CWC22: variants seen among roughly 807,000 people sequenced by gnomAD.
CWC22 encodes CWC22 spliceosome associated protein.
In CWC22, 53 loss-of-function variants were observed where a neutral mutation model predicts 117.2. That is an observed-to-expected ratio of 0.45 (90% CI 0.36 to 0.57). CWC22 has a LOEUF of 0.57. CWC22 is among the 20% of genes least tolerant of loss of function. The pLI is 0.00. For synonymous variants in CWC22, 360 were observed against 355.6 expected (o/e 1.01, Z -0.14); for missense variants, 980 against 1,068.8 (o/e 0.92, Z 1.16).
chr2:179,952,539 G>A lies in CWC22; in HGVS notation c.1749C>T (p.Val583=). Residue 583 remains valine (V), a synonymous_variant, in exon 17 of 20, where the codon GTC becomes GTT. Coordinates refer to ENST00000410053, the MANE Select transcript of CWC22 (RefSeq NM_020943.3). ...ETTTSSSRIF[V]KIFFQELCEY... ...CACACAGTTCCTGGAAAAATATTTT[G>A]ACAAAAATTCTACTGGATGATGTAG... 6.5e-7 allele frequency: 1 copy of A among 1,547,604 alleles called. No homozygotes were observed. The highest frequency in any genetic ancestry group is 8.8e-7 in the Non-Finnish European group (1 of 1,141,354).
chr2:179,973,616 C>T lies in CWC22; in HGVS notation c.750+18G>A, dbSNP rs774819801. Reference sequence around the variant, plus strand: ...TTGTTCCTATGTATCATTCTACTTACAAGCCATTCATATATACCTTGTCAT... The same window carrying T: ...TTGTTCCTATGTATCATTCTACTTATAAGCCATTCATATATACCTTGTCAT... On this transcript the variant is annotated intron_variant, in intron 7 of 19. Transcript: ENST00000410053. 3 of 1,494,296 alleles carry T rather than the reference C, an allele frequency of 2.0e-6. No homozygotes were observed. The highest frequency in any genetic ancestry group is 2.0e-5 in the Admixed American group (1 of 50,090). 92.6% of individuals were successfully genotyped at this position (1,494,296 alleles called of 1,614,324 possible). A position where few individuals can be genotyped will look rare whatever the true frequency, so the allele number is the denominator to read the frequency against.
At chr2:179,992,710 GAACA>G (rs1687598594) in intron 2 of CWC22, among the ~76,000 whole-genome samples, 1 of 152,088 alleles carries the variant, frequency 6.6e-6, no homozygotes, top group Non-Finnish European at 1.5e-5. Context: ...AAAGTTCTTA[GAACA>G]ATCACTATAA....
intron 1 of CWC22, among the ~76,000 whole-genome samples, chr2:179,997,094 TTTTAA>T (rs1196513820): frequency 4.6e-5 from 7 of 152,294 alleles, no homozygotes; most frequent in Admixed American, 1.3e-4. Flanking sequence ...TACTGTTTTA[TTTTAA>T]TTTATCTAAA....
Position 179,981,735 on chromosome 2 carries a change from G to A in CWC22, c.452+17C>T. 1.9e-6 allele frequency: 3 copies of A among 1,598,248 alleles called. No individual in the cohort carries two copies. Among genetic ancestry groups the A allele is most frequent in the Non-Finnish European group, 2.6e-6 (3 of 1,166,856 alleles). On this transcript the variant is annotated intron_variant, in intron 5 of 19. Transcript: ENST00000410053. ...TGACAATTTCATGGCTTTGTATACTGATTGATATAAACATGCCTGTTTTTA... is the reference window on the plus strand; with the variant it reads ...TGACAATTTCATGGCTTTGTATACTAATTGATATAAACATGCCTGTTTTTA...
chr2:179,945,730 TAA>T lies in CWC22; in HGVS notation c.2141-17_2141-16del. 1 of 1,397,360 alleles carries T rather than the reference TAA, an allele frequency of 7.2e-7. No homozygotes were observed. The highest frequency in any genetic ancestry group is 9.8e-7 in the Non-Finnish European group (1 of 1,016,828). The allele number at this position is 1,397,360 out of a possible 1,614,324, so 86.6% of individuals were successfully genotyped here. A position where few individuals can be genotyped will look rare whatever the true frequency, so the allele number is the denominator to read the frequency against. On this transcript the variant is annotated splice_polypyrimidine_tract_variant and intron_variant, in intron 19 of 19. Coordinates refer to ENST00000410053, the MANE Select transcript of CWC22 (RefSeq NM_020943.3). ...TACATCATTAGCTGCGTGTGTAAAA[TAA>T]AAGACAGTTAGCTTTTATTTCAATC...
intron 19 of CWC22, among the ~76,000 whole-genome samples, chr2:179,947,837 C>G (rs1322881982): frequency 6.6e-6 from 1 of 152,082 alleles, no homozygotes; most frequent in South Asian, 2.1e-4. Context: ...TTTAAGGCTA[C>G]AGAGGAAAGT....
At chr2:179,976,820 G>C (rs1687165222) in intron 6 of CWC22, among the ~76,000 whole-genome samples, 1 of 152,122 alleles carries the variant, frequency 6.6e-6, no homozygotes, top group Admixed American at 6.6e-5. Context: ...AATTAGTACA[G>C]CCATTATGAA....
Position 179,945,635 on chromosome 2 carries a change from C to A in CWC22, c.2221G>T (p.Asp741Tyr). The A allele has an allele frequency of 1.9e-6, 3 of 1,612,404 alleles. No individual in the cohort carries two copies. Among genetic ancestry groups the A allele is most frequent in the South Asian group, 1.1e-5 (1 of 91,048 alleles). The change falls in exon 20 of 20, where the codon GAT (aspartate) becomes TAT (tyrosine). Residue 741 changes from aspartate (D) to tyrosine (Y), a missense_variant. Physicochemically the swap from Asp to Tyr is radical, Grantham distance 160. This residue lies in a region of CWC22 where 306 missense variants were observed against 296.8 expected (regional missense o/e 1.03). Transcript: ENST00000410053. Reference sequence around the variant, plus strand: ...TGTCTTCTTTCTTTTTGTTTCCTATCATTTGTTTGCTGGTTTCTGATCAAT... The same window carrying A: ...TGTCTTCTTTCTTTTTGTTTCCTATAATTTGTTTGCTGGTTTCTGATCAAT... ...DKLIRNQQTN[D>Y]RKQKERRQEH...
intron 8 of CWC22, among the ~76,000 whole-genome samples, chr2:179,972,172 T>C (rs557863211): frequency 1.8e-3 from 272 of 152,250 alleles, no homozygotes; most frequent in African/African-American, 6.1e-3. Context: ...AGTGAAAGAA[T>C]TTTCATGTAA....
chr2:179,958,855 G>A (rs1686673503), intron 14 of CWC22, among the ~76,000 whole-genome samples, 167 bp downstream of exon 14: 1 of 152,086 alleles, frequency 6.6e-6, no homozygotes, highest in Non-Finnish European at 1.5e-5. Flanking sequence ...CAATATATCT[G>A]AAACACCCTA....
At chr2:179,991,475 G>A (rs1051151396) in intron 2 of CWC22, among the ~76,000 whole-genome samples, 1 of 152,184 alleles carries the variant, frequency 6.6e-6, no homozygotes, top group Non-Finnish European at 1.5e-5. Context: ...GGCTGGTAGA[G>A]CCAAGCCACT....
chr2:179,955,526 C>T (rs1454274183), intron 14 of CWC22, among the ~76,000 whole-genome samples: 3 of 151,900 alleles, frequency 2.0e-5, no homozygotes, highest in Admixed American at 6.6e-5. Context: ...ACAACTTCAA[C>T]GTTAACATAA....
intron 19 of CWC22, among the ~76,000 whole-genome samples, chr2:179,947,276 A>G (rs1022437901): frequency 1.3e-5 from 2 of 152,160 alleles, no homozygotes; most frequent in Non-Finnish European, 2.9e-5. Context: ...TCTGGTTCCT[A>G]TCAAACAGCT....
chr2:179,949,961 T>C (rs1466966974), intron 19 of CWC22, among the ~76,000 whole-genome samples: 1 of 152,116 alleles, frequency 6.6e-6, no homozygotes, highest in Non-Finnish European at 1.5e-5. Context: ...AATTAATTTA[T>C]GAAATTACAA....
At chr2:179,953,504 T>C (rs957035025) in intron 16 of CWC22, among the ~76,000 whole-genome samples, 1 of 152,100 alleles carries the variant, frequency 6.6e-6, no homozygotes, top group Non-Finnish European at 1.5e-5. Context: ...TCTGGTCTTA[T>C]ACTGTAACCC....
intron 11 of CWC22, among the ~76,000 whole-genome samples, chr2:179,966,536 A>G (rs1469812972): frequency 1.3e-5 from 2 of 152,220 alleles, no homozygotes; most frequent in Non-Finnish European, 2.9e-5. Context: ...AAGACTTTTC[A>G]TATATAAAAC....
intron 1 of CWC22, among the ~76,000 whole-genome samples, chr2:179,993,781 A>C (rs1687631360): frequency 6.6e-6 from 1 of 152,142 alleles, no homozygotes; most frequent in Admixed American, 6.5e-5. Context: ...ACATCATAAA[A>C]TAGTAGTGTG....
At chr2:180,000,760 G>C (rs1163115479) in intron 1 of CWC22, among the ~76,000 whole-genome samples, 1 of 152,012 alleles carries the variant, frequency 6.6e-6, no homozygotes, top group Admixed American at 6.6e-5. Flanking sequence ...CTGCAACTCT[G>C]TGTGGAGAGT....
At chr2:179,994,311 G>C (rs1687645629) in intron 1 of CWC22, among the ~76,000 whole-genome samples, 1 of 151,168 alleles carries the variant, frequency 6.6e-6, no homozygotes, top group Non-Finnish European at 1.5e-5. Flanking sequence ...AATACAACTG[G>C]AAAAAAAAAT....
Sources: allele counts gnomAD v4.1 joint callset (sites outside exome capture counted in the v4.1 genomes callset), GRCh38; gene constraint gnomAD v4.1.1; regional missense constraint gnomAD v4.1.1; transcripts MANE v1.5; gene names NCBI Gene and HGNC (gene_info 2026-07-23, HGNC 2026-07-21).